SPINK6: variants seen among roughly 807,000 people sequenced by gnomAD.
SPINK6 encodes serine protease inhibitor Kazal-type 6.
Under a neutral mutation model 11.7 loss-of-function variants are expected in SPINK6, and 13 were observed. The observed-to-expected ratio is 1.11, with a 90% CI of 0.72 to 1.76. SPINK6 has a LOEUF of 1.76. SPINK6 is among the 40% of genes most tolerant of loss of function. SPINK6 has a pLI of 0.00. For synonymous variants in SPINK6, 21 were observed against 31.9 expected, an observed-to-expected ratio of 0.66 and a Z score of 1.15; for missense variants, 98 against 93.7, an observed-to-expected ratio of 1.05 and a Z score of -0.19.
At chr5:148,207,890 G>T (rs895894777) in intron 2 of SPINK6, among the ~76,000 whole-genome samples, 1 of 152,068 alleles carries the variant, frequency 6.6e-6, no homozygotes, top group Non-Finnish European at 1.5e-5. Flanking sequence ...TGATTACCTG[G>T]ATTGCTTACT....
chr5:148,205,866 TAA>T (rs374061208), intron 1 of SPINK6, among the ~76,000 whole-genome samples, 168 bp from the exon 2 acceptor site: 3 of 140,520 alleles, frequency 2.1e-5, no homozygotes, highest in Non-Finnish European at 3.1e-5. Context: ...GTGAGCAGAT[TAA>T]AAAAAAAAAG....
chr5:148,206,827 T>C (rs947386468), intron 2 of SPINK6, among the ~76,000 whole-genome samples: 7 of 152,252 alleles, frequency 4.6e-5, no homozygotes, highest in Admixed American at 4.6e-4. Flanking sequence ...GCACTAGTTC[T>C]TGTTTAGCCT....
chr5:148,212,571 TATATA>T (rs1755617203), intron 2 of SPINK6, among the ~76,000 whole-genome samples: 1 of 107,050 alleles, frequency 9.3e-6, no homozygotes, highest in Non-Finnish European at 1.7e-5. Context: ...TAATATATAT[TATATA>T]TTATATAAAT....
At chr5:148,210,821 T>A (rs1755588058) in intron 2 of SPINK6, among the ~76,000 whole-genome samples, 1 of 152,108 alleles carries the variant, frequency 6.6e-6, no homozygotes, top group African/African-American at 2.4e-5. Context: ...TATTCTGTAT[T>A]TTTGAAAGCA....
intron 1 of SPINK6, among the ~76,000 whole-genome samples, chr5:148,204,702 G>C (rs1755475168): frequency 1.3e-5 from 2 of 152,010 alleles, no homozygotes; most frequent in Non-Finnish European, 2.9e-5. Flanking sequence ...ATGGGGTATA[G>C]TGCATGTTTA....
At chr5:148,203,256 A>T in intron 1 of SPINK6, 102 bp downstream of exon 1, 1 of 803,928 alleles carries the variant, frequency 1.2e-6, no homozygotes, top group Admixed American at 2.7e-5. Flanking sequence ...GATGTAAAAG[A>T]CCAATTCTGA....
chr5:148,204,214 A>G (rs1755469740), intron 1 of SPINK6, among the ~76,000 whole-genome samples: 1 of 152,042 alleles, frequency 6.6e-6, no homozygotes, highest in Non-Finnish European at 1.5e-5. Context: ...ACAAAAACAA[A>G]TACACTTAGA....
chr5:148,208,958 A>T (rs1755534072), intron 2 of SPINK6, among the ~76,000 whole-genome samples: 2 of 152,352 alleles, frequency 1.3e-5, no homozygotes, highest in Admixed American at 1.3e-4. Context: ...TTCGAAATGA[A>T]ATAACCAGAA....
intron 2 of SPINK6, among the ~76,000 whole-genome samples, chr5:148,207,604 G>T (rs191078527): frequency 0.013 from 1,982 of 152,218 alleles, 46 homozygotes; most frequent in African/African-American, 0.045. Context: ...GCCGAGGTGG[G>T]CAGATCACCT....
intron 2 of SPINK6, among the ~76,000 whole-genome samples, chr5:148,210,438 A>G (rs1232458613): frequency 1.3e-5 from 2 of 151,656 alleles, no homozygotes; most frequent in Non-Finnish European, 2.9e-5. Context: ...GCATACATAT[A>G]TATGTATGTG....
At chr5:148,210,220 ATGTATTT>A in intron 2 of SPINK6, among the ~76,000 whole-genome samples, 2 of 139,300 alleles carry the variant, frequency 1.4e-5, no homozygotes, top group African/African-American at 5.3e-5. Flanking sequence ...CTGCATGCAT[ATGTATTT>A]CTGCATGCAT....
rs1554112271 is a variant in SPINK6, at chr5:148,210,007, C to CATAGACACGTACGTATGT, written c.82-3901_82-3900insAGACACGTACGTATGTAT. ...ATGTATACATATACACGTATGTATA[C>CATAGACACGTACGTATGT]ATGTATGTACGCATGTACGCATGCA... On this transcript the variant is annotated intron_variant, in intron 2 of 3. Coordinates refer to ENST00000325630, the MANE Select transcript of SPINK6 (RefSeq NM_205841.4). 6.6e-5 allele frequency among the ~76,000 whole-genome samples: 7 copies of CATAGACACGTACGTATGT among 105,730 alleles called. 3 individuals are homozygous for CATAGACACGTACGTATGT. The highest frequency in any genetic ancestry group is 1.0e-4 in the African/African-American group (2 of 19,652). 69.4% of individuals were successfully genotyped at this position (105,730 alleles called of 152,430 possible). A position where few individuals can be genotyped will look rare whatever the true frequency, so the allele number is the denominator to read the frequency against.
At chr5:148,205,139 G>A (rs1420427789) in intron 1 of SPINK6, among the ~76,000 whole-genome samples, 2 of 152,078 alleles carry the variant, frequency 1.3e-5, no homozygotes, top group Non-Finnish European at 2.9e-5. Flanking sequence ...TATTATTAGA[G>A]ATTGTGCTTT....
At chr5:148,212,639 A>AT (rs1755623485) in intron 2 of SPINK6, among the ~76,000 whole-genome samples, 4 of 100,766 alleles carry the variant, frequency 4.0e-5, no homozygotes, top group African/African-American at 1.8e-4. Flanking sequence ...TATATTATAT[A>AT]TAATATAAAT....
intron 2 of SPINK6, among the ~76,000 whole-genome samples, chr5:148,209,955 T>TATGTATACATACGTACGTACATATGC: frequency 7.0e-6 from 1 of 143,438 alleles, no homozygotes; most frequent in Middle Eastern, 3.5e-3. Flanking sequence ...GTTTCATATA[T>TATGTATACATACGTACGTACATATGC]ATGTATACAT....
At chr5:148,214,099 G>A in intron 3 of SPINK6, 74 bp downstream of exon 3, 1 of 913,012 alleles carries the variant, frequency 1.1e-6, no homozygotes, top group Non-Finnish European at 1.7e-6. Flanking sequence ...ACTTTTTCGA[G>A]GTATTATAGA....
rs1561732192 is a variant in SPINK6 at position 148,209,997 on chromosome 5, C to CACGTACGTAG, written c.82-3913_82-3912insACGTACGTAG. Reference sequence around the variant, plus strand: ...GTACGTATGTATGTATACATATACACGTATGTATACATGTATGTACGCATG... The same window carrying CACGTACGTAG: ...GTACGTATGTATGTATACATATACACACGTACGTAGGTATGTATACATGTATGTACGCATG... On this transcript the variant is annotated intron_variant, in intron 2 of 3. Coordinates refer to ENST00000325630, the MANE Select transcript of SPINK6 (RefSeq NM_205841.4). Among the ~76,000 whole-genome samples, 7 of 145,892 alleles carry CACGTACGTAG rather than the reference C, an allele frequency of 4.8e-5. 2 individuals are homozygous for CACGTACGTAG. Among genetic ancestry groups the CACGTACGTAG allele is most frequent in the Non-Finnish European group, 9.2e-5 (6 of 65,514 alleles).
intron 2 of SPINK6, among the ~76,000 whole-genome samples, chr5:148,208,254 C>T (rs1014356656): frequency 6.6e-6 from 1 of 152,188 alleles, no homozygotes; most frequent in Non-Finnish European, 1.5e-5. Flanking sequence ...GCCTGTCCTG[C>T]CAAGGCTGCT....
intron 2 of SPINK6, among the ~76,000 whole-genome samples, chr5:148,210,195 CATGCATATGTATTTCT>C (rs1196897744): frequency 7.3e-6 from 1 of 136,770 alleles, no homozygotes; most frequent in African/African-American, 2.5e-5. Flanking sequence ...TGTATTTCTG[CATGCATATGTATTTCT>C]GCATGCATAT....
Sources: allele counts gnomAD v4.1 joint callset (sites outside exome capture counted in the v4.1 genomes callset), GRCh38; gene constraint gnomAD v4.1.1; transcripts MANE v1.5; gene names NCBI Gene and HGNC (gene_info 2026-07-23, HGNC 2026-07-21).